NUP188: variants seen among roughly 807,000 people sequenced by gnomAD.
NUP188 encodes nucleoporin NUP188.
A neutral mutation model predicts 223.0 loss-of-function variants in NUP188; 97 were observed. That is an observed-to-expected ratio of 0.43 (90% CI 0.37 to 0.51). NUP188 has a LOEUF of 0.51. Ranked by LOEUF, NUP188 falls within the 20% of genes least tolerant of loss-of-function variation. The pLI is 0.00. For synonymous variants in NUP188, 869 were observed against 828.0 expected, an observed-to-expected ratio of 1.05 and a Z score of -0.85; for missense variants, 1,947 against 2,175.6, an observed-to-expected ratio of 0.89 and a Z score of 2.09.
intron 25 of NUP188, 91 bp downstream of exon 25, chr9:128,990,317 GC>G: frequency 2.0e-6 from 2 of 987,430 alleles, no homozygotes; most frequent in East Asian, 4.8e-5. Context: ...ACGTGCAGCG[GC>G]TTAACGCCTG....
chr9:129,002,042 C>A, intron 36 of NUP188, 66 bp downstream of exon 36: 1 of 1,279,762 alleles, frequency 7.8e-7, no homozygotes, highest in Non-Finnish European at 1.1e-6. Context: ...GAAAAGTGTC[C>A]TCCCCTACCT....
At chr9:129,004,429 G>A (rs1241345217) in intron 38 of NUP188, 3 of 152,174 alleles carry the variant, frequency 2.0e-5, no homozygotes, top group Admixed American at 2.0e-4. Flanking sequence ...GTATGACCTT[G>A]GCCAAGTCAC....
intron 1 of NUP188, chr9:128,948,039 C>G (rs2131131044): frequency 3.1e-6 from 1 of 327,850 alleles, no homozygotes; most frequent in Non-Finnish European, 5.5e-6. Context: ...ACCTCCGACG[C>G]GTCTCTTGGC....
chr9:128,978,270 A>G (rs769650338), intron 12 of NUP188, among the ~76,000 whole-genome samples: 4 of 152,012 alleles, frequency 2.6e-5, no homozygotes, highest in Middle Eastern at 3.2e-3. Flanking sequence ...ACATACTTAT[A>G]TACAAAAACG....
rs1588292225 is a variant in NUP188 at position 128,999,946 on chromosome 9, AG to A, written c.3843+142del. ...GCCTGGTGGGAAAGGTTAATAGATC[AG>A]ACACTGCAGAAAAGCAGAAGCAGCC... On this transcript the variant is annotated intron_variant, in intron 34 of 43. Transcript: ENST00000372577. The A allele has an allele frequency of 4.2e-5, 31 of 732,386 alleles. No individual in the cohort carries two copies. In the East Asian group the frequency reaches 8.4e-4, roughly 20 times the overall value. 45.4% of individuals were successfully genotyped at this position (732,386 alleles called of 1,614,324 possible).
intron 25 of NUP188, 50 bp downstream of exon 25, chr9:128,990,276 T>C (rs1277493353): frequency 1.8e-5 from 25 of 1,414,154 alleles, no homozygotes; most frequent in African/African-American, 2.8e-5. Context: ...GGTGTTTTTT[T>C]CCCCCTGATT....
chr9:128,989,287 G>C (rs939078697), intron 24 of NUP188, among the ~76,000 whole-genome samples: 4 of 152,178 alleles, frequency 2.6e-5, no homozygotes, highest in African/African-American at 9.6e-5. Flanking sequence ...TGTGGTCCCA[G>C]CTACTCAGGA....
At chr9:129,005,824 C>T (rs113950832) in intron 41 of NUP188, 48 bp downstream of exon 41, 1 of 1,547,080 alleles carries the variant, frequency 6.5e-7, no homozygotes. Context: ...GCTCCTCCCC[C>T]TGCCTGCCAC....
At chr9:128,984,367 C>A (rs1056575814) in intron 19 of NUP188, among the ~76,000 whole-genome samples, 1 of 152,078 alleles carries the variant, frequency 6.6e-6, no homozygotes. Context: ...CTCAACTGAT[C>A]CGCCTGCCTT....
intron 2 of NUP188, among the ~76,000 whole-genome samples, chr9:128,951,642 A>T (rs890100183): frequency 6.6e-6 from 1 of 152,236 alleles, no homozygotes; most frequent in Non-Finnish European, 1.5e-5. Flanking sequence ...CAAGACTTTC[A>T]TAATAAGGTT....
Position 128,983,372 on chromosome 9 carries a change from CCAG to C in NUP188, c.1879_1881del (p.Ala627del). The C allele has an allele frequency of 6.2e-7, 1 of 1,614,194 alleles. No homozygotes were observed. Among genetic ancestry groups the C allele is most frequent in the Admixed American group, 1.7e-5 (1 of 60,018 alleles). On this transcript the variant is annotated inframe_deletion, in exon 18 of 44. Coordinates refer to ENST00000372577, the MANE Select transcript of NUP188 (RefSeq NM_015354.3). ...CTTAACTGTTTTGGCTGCCCGCAAT[CCAG>C]CAAAGGTGAGATGCCAGATCTTCCC...
At position 128,987,593 on chromosome 9, in the gene NUP188, A is replaced by T. The variant is rs546148924; in HGVS notation, c.2269A>T (p.Thr757Ser). 3.3e-5 allele frequency: 53 copies of T among 1,611,422 alleles called. No individual in the cohort carries two copies. The highest frequency in any genetic ancestry group is 5.0e-5 in the Admixed American group (3 of 59,574). ...CHETDLHSSH[T>S]PSLQFLCICS... ...CAGAATACCTCTGTCTTCCAGTCAT[A>T]CTCCCAGCCTGCAGTTTCTCTGCAT... Residue 757 changes from threonine to serine, a missense_variant, in exon 23 of 44, where the codon ACT (threonine) becomes TCT (serine). Coordinates refer to ENST00000372577, the MANE Select transcript of NUP188 (RefSeq NM_015354.3).
intron 8 of NUP188, chr9:128,964,246 G>T (rs756696541): frequency 8.1e-6 from 3 of 371,534 alleles, no homozygotes; most frequent in Non-Finnish European, 1.6e-5. Flanking sequence ...GTGGATGTTT[G>T]TCTTATCAAA....
chr9:128,985,895 T>C (rs1842325766), intron 20 of NUP188, among the ~76,000 whole-genome samples: 1 of 151,930 alleles, frequency 6.6e-6, no homozygotes, highest in African/African-American at 2.4e-5. Context: ...AAAAATTAGC[T>C]GGGCGTGGTG....
At chr9:129,005,073 C>T (rs571835575) in intron 38 of NUP188, 74 bp from the exon 39 acceptor site, 2 of 1,012,952 alleles carry the variant, frequency 2.0e-6, no homozygotes, top group Non-Finnish European at 3.1e-6. Context: ...ACATGGAGGG[C>T]TATTGGGTTG....
intron 24 of NUP188, among the ~76,000 whole-genome samples, chr9:128,989,831 CA>C (rs1039726163): frequency 9.9e-5 from 15 of 151,488 alleles, no homozygotes; most frequent in Non-Finnish European, 1.5e-4. Flanking sequence ...GACTCTGTCT[CA>C]AAAAAAATTA....
In NUP188 at chr9:128,999,175, G is replaced by C. The variant is rs747181369; in HGVS notation, c.3519G>C (p.Glu1173Asp). ...LLILLRQWKR[E>D]LGSVDEILGP... ...GCCCACCCAGTATTCTTTCTAGAGAGTTAGGTTCTGTGGATGAAATCCTTG... is the reference window on the plus strand; with the variant it reads ...GCCCACCCAGTATTCTTTCTAGAGACTTAGGTTCTGTGGATGAAATCCTTG... Residue 1173 changes from glutamate (E) to aspartate (D), a missense_variant, in exon 33 of 44, where the codon GAG (glutamate) becomes GAC (aspartate). By Grantham distance (45) the Glu-to-Asp change is conservative. Transcript: ENST00000372577. The C allele has an allele frequency of 6.2e-7, 1 of 1,613,978 alleles. No homozygotes were observed. Among genetic ancestry groups the C allele is most frequent in the Non-Finnish European group, 8.5e-7 (1 of 1,179,936 alleles).
At chr9:128,991,830 C>CAA (rs1374915905) in intron 25 of NUP188, among the ~76,000 whole-genome samples, 1 of 61,544 alleles carries the variant, frequency 1.6e-5, no homozygotes, top group Non-Finnish European at 3.4e-5. Flanking sequence ...GCGACAGAGT[C>CAA]AAAAAAAAAA....
chr9:128,966,411 C>T (rs781255774), intron 8 of NUP188, among the ~76,000 whole-genome samples: 2 of 150,508 alleles, frequency 1.3e-5, no homozygotes, highest in Non-Finnish European at 3.0e-5. Context: ...GGTTCTTTCT[C>T]TGTTGCCCAG....
Sources: gnomAD v4.1 joint callset for allele counts (sites outside exome capture counted in the v4.1 genomes callset) on GRCh38, gnomAD v4.1.1 for gene constraint, MANE v1.5 for transcripts, NCBI Gene and HGNC (gene_info 2026-07-23, HGNC 2026-07-21) for gene names.